SORCS3: variants seen among roughly 807,000 people sequenced by gnomAD.
SORCS3 encodes the protein sortilin related VPS10 domain containing receptor 3, also known as VPS10 domain-containing receptor SorCS3.
Under a neutral mutation model 146.3 loss-of-function variants are expected in SORCS3, and 57 were observed. That is an observed-to-expected ratio of 0.39 (90% confidence interval 0.31 to 0.49). The LOEUF (loss-of-function observed/expected upper bound fraction) is 0.49, where lower values mean the gene tolerates loss of function less well. Among genes scored for constraint, SORCS3 ranks in the 20% least tolerant of loss-of-function variants. The probability of loss-of-function intolerance (pLI) is 0.92; values close to 1 mark genes in which losing one functional copy is unlikely to be tolerated. For missense variants in SORCS3, 1,341 were observed against 1,575.5 expected, an observed-to-expected ratio of 0.85 and a Z score of 2.52; for synonymous variants, 653 against 618.5, an observed-to-expected ratio of 1.06 and a Z score of -0.83.
rs183805218 is a variant in SORCS3, at chr10:105,155,978, G to T, written c.1483-1160G>T. Among the ~76,000 whole-genome samples the T allele has an allele frequency of 1.6e-4, 24 of 152,150 alleles. No homozygotes were observed. The East Asian group carries it at 4.4e-3, about 28-fold the overall frequency. On this transcript the variant is annotated intron_variant, in intron 9 of 26. Transcript: ENST00000369701. ...AAAAGAAGAGAAGACTTTTTATTTCGTCAATTAAATTATGTCATTTGAAAA... is the reference window on the plus strand; with the variant it reads ...AAAAGAAGAGAAGACTTTTTATTTCTTCAATTAAATTATGTCATTTGAAAA...
At chr10:105,198,334 G>A (rs967260433) in intron 14 of SORCS3, among the ~76,000 whole-genome samples, 16 of 152,210 alleles carry the variant, frequency 1.1e-4, no homozygotes, top group Middle Eastern at 3.4e-3. Flanking sequence ...ATCTGAATGC[G>A]AGAGTTTTGA....
chr10:104,645,282 G>C (rs2015477871), intron 1 of SORCS3, among the ~76,000 whole-genome samples: 1 of 152,182 alleles, frequency 6.6e-6, no homozygotes, highest in Admixed American at 6.5e-5. Flanking sequence ...AAAACACCCA[G>C]AGGGAGCCCA....
intron 2 of SORCS3, among the ~76,000 whole-genome samples, chr10:104,889,321 CT>C (rs2018724966): frequency 7.0e-6 from 1 of 143,230 alleles, no homozygotes; most frequent in African/African-American, 2.6e-5. Flanking sequence ...ACAATCTTTG[CT>C]TTTTAATTAA....
chr10:105,020,983 C>T (rs1374042856), intron 4 of SORCS3, among the ~76,000 whole-genome samples: 8 of 152,214 alleles, frequency 5.3e-5, no homozygotes, highest in Non-Finnish European at 1.2e-4. Flanking sequence ...AGATCATATA[C>T]TGCAATGTTC....
intron 4 of SORCS3, among the ~76,000 whole-genome samples, chr10:104,979,571 G>C (rs887029211): frequency 6.6e-6 from 1 of 152,054 alleles, no homozygotes; most frequent in African/African-American, 2.4e-5. Context: ...GTGTTTGTGT[G>C]TGTGTGTGTG....
intron 8 of SORCS3, among the ~76,000 whole-genome samples, chr10:105,146,711 A>G (rs965708333): frequency 6.6e-6 from 1 of 152,156 alleles, no homozygotes; most frequent in African/African-American, 2.4e-5. Flanking sequence ...TTTGATAGCC[A>G]TATAATCTGA....
intron 4 of SORCS3, among the ~76,000 whole-genome samples, chr10:105,034,774 GCA>G (rs1399493242): frequency 6.6e-6 from 1 of 152,150 alleles, no homozygotes; most frequent in African/African-American, 2.4e-5. Flanking sequence ...ATATTAACTG[GCA>G]CAGTCTGCTA....
intron 1 of SORCS3, among the ~76,000 whole-genome samples, chr10:104,648,130 C>T (rs982933422): frequency 7.2e-5 from 11 of 152,192 alleles, no homozygotes; most frequent in South Asian, 6.2e-4. Context: ...GTCAAGTGAT[C>T]GTTTCAGGCT....
At chr10:104,874,347 C>A (rs868492074) in intron 2 of SORCS3, among the ~76,000 whole-genome samples, 1 of 152,146 alleles carries the variant, frequency 6.6e-6, no homozygotes, top group Non-Finnish European at 1.5e-5. Flanking sequence ...TATCTTGTCT[C>A]TAGCACACAT....
intron 2 of SORCS3, among the ~76,000 whole-genome samples, chr10:104,880,987 A>G (rs981203372): frequency 1.3e-5 from 2 of 152,194 alleles, no homozygotes; most frequent in African/African-American, 4.8e-5. Context: ...TAAAACATAT[A>G]ATCTCTGAAA....
chr10:105,002,937 T>C (rs1589588782), intron 4 of SORCS3, among the ~76,000 whole-genome samples: 2 of 152,328 alleles, frequency 1.3e-5, no homozygotes, highest in South Asian at 4.1e-4. Context: ...ATTGGCTTTA[T>C]TTGTATTAAG....
At chr10:104,742,938 T>G (rs891153605) in intron 1 of SORCS3, among the ~76,000 whole-genome samples, 4 of 152,212 alleles carry the variant, frequency 2.6e-5, no homozygotes, top group Non-Finnish European at 5.9e-5. Context: ...GTTCACATTC[T>G]AGGAATGCCC....
chr10:104,879,208 A>G (rs2018607198), intron 2 of SORCS3, among the ~76,000 whole-genome samples: 1 of 152,230 alleles, frequency 6.6e-6, no homozygotes, highest in South Asian at 2.1e-4. Context: ...GAAGTCCAGT[A>G]CAAGTCTCAC....
intron 3 of SORCS3, among the ~76,000 whole-genome samples, chr10:104,954,424 T>A (rs752294566): frequency 6.6e-6 from 1 of 152,214 alleles, no homozygotes; most frequent in African/African-American, 2.4e-5. Flanking sequence ...GATACTTTTA[T>A]AACACATGCT....
chr10:104,983,937 G>A (rs1178173736), intron 4 of SORCS3, among the ~76,000 whole-genome samples: 1 of 152,012 alleles, frequency 6.6e-6, no homozygotes, highest in East Asian at 1.9e-4. Context: ...ATACCGAAAA[G>A]CATACATCTC....
At chr10:104,926,240 C>G (rs1050689701) in intron 3 of SORCS3, among the ~76,000 whole-genome samples, 1 of 152,226 alleles carries the variant, frequency 6.6e-6, no homozygotes, top group African/African-American at 2.4e-5. Flanking sequence ...TTCCTTGTCT[C>G]TTAAAACCAG....
intron 4 of SORCS3, among the ~76,000 whole-genome samples, chr10:104,977,854 C>T (rs1318671123): frequency 6.6e-6 from 1 of 151,076 alleles, no homozygotes; most frequent in Admixed American, 6.6e-5. Context: ...GCCTCAGCCT[C>T]CTGAGTGGCT....
At chr10:105,143,388 C>A (rs2056108741) in intron 8 of SORCS3, among the ~76,000 whole-genome samples, 1 of 152,120 alleles carries the variant, frequency 6.6e-6, no homozygotes, top group Non-Finnish European at 1.5e-5. Flanking sequence ...CCTATATCTA[C>A]AACCCCAGCC....
intron 9 of SORCS3, among the ~76,000 whole-genome samples, chr10:105,156,318 T>C (rs1455274247): frequency 6.6e-6 from 1 of 152,250 alleles, no homozygotes; most frequent in Non-Finnish European, 1.5e-5. Context: ...AGTATCTGCT[T>C]TCCTTGCCCA....
Sources: allele counts gnomAD v4.1 joint callset (sites outside exome capture counted in the v4.1 genomes callset), GRCh38; gene constraint gnomAD v4.1.1; transcripts MANE v1.5; gene names NCBI Gene and HGNC (gene_info 2026-07-23, HGNC 2026-07-21).